FER1L6: variants seen among roughly 807,000 people sequenced by gnomAD.
FER1L6 encodes the protein fer-1-like protein 6.
In FER1L6, 177 loss-of-function variants were observed where a neutral mutation model predicts 219.2. The observed-to-expected ratio is 0.81, with a 90% CI of 0.71 to 0.91. The LOEUF (loss-of-function observed/expected upper bound fraction) is 0.91. FER1L6 is among the 40% of genes least tolerant of loss of function. The probability of loss-of-function intolerance (pLI) is 0.00; values close to 1 mark genes in which losing one functional copy is unlikely to be tolerated. For missense variants in FER1L6, 2,153 were observed against 2,259.9 expected (o/e 0.95, Z 0.96); for synonymous variants, 768 against 824.3 (o/e 0.93, Z 1.17).
At chr8:124,096,412 T>A (rs1822292602) in intron 35 of FER1L6, among the ~76,000 whole-genome samples, 1 of 152,226 alleles carries the variant, frequency 6.6e-6, no homozygotes. Flanking sequence ...ATCTTCTTCA[T>A]GCTCTAGTGG....
At chr8:123,990,082 C>G (rs767847392) in intron 12 of FER1L6, among the ~76,000 whole-genome samples, 25 of 152,116 alleles carry the variant, frequency 1.6e-4, no homozygotes, top group Non-Finnish European at 3.1e-4. Flanking sequence ...TCCTGGCTAA[C>G]ATGGTGAAAC....
chr8:124,112,173 T>C (rs968467572), intron 39 of FER1L6, among the ~76,000 whole-genome samples: 1 of 152,200 alleles, frequency 6.6e-6, no homozygotes, highest in Non-Finnish European at 1.5e-5. Context: ...CAACTCCGTG[T>C]GCACTCTCCT....
chr8:123,941,789 G>T (rs1219344354), intron 1 of FER1L6, among the ~76,000 whole-genome samples: 1 of 152,170 alleles, frequency 6.6e-6, no homozygotes, highest in Non-Finnish European at 1.5e-5. Flanking sequence ...TCTTGTTTTT[G>T]TGAAGAATTT....
chr8:124,064,641 A>G, intron 26 of FER1L6, 68 bp downstream of exon 26: 1 of 1,423,622 alleles, frequency 7.0e-7, no homozygotes, highest in South Asian at 1.2e-5. Context: ...CTCAGACAAT[A>G]TGAAGTTGCT....
intron 26 of FER1L6, among the ~76,000 whole-genome samples, chr8:124,066,146 T>C (rs1404043649): frequency 6.6e-6 from 1 of 152,248 alleles, no homozygotes; most frequent in Non-Finnish European, 1.5e-5. Flanking sequence ...TCCTGTACTG[T>C]ATCCAGAGTA....
At chr8:123,948,090 T>G (rs945289622) in intron 1 of FER1L6, among the ~76,000 whole-genome samples, 6 of 152,300 alleles carry the variant, frequency 3.9e-5, no homozygotes, top group African/African-American at 7.2e-5. Flanking sequence ...GTTTTTAAAT[T>G]TAATTAACGT....
intron 1 of FER1L6, among the ~76,000 whole-genome samples, chr8:123,930,188 G>A (rs1361833029): frequency 6.6e-6 from 1 of 152,150 alleles, no homozygotes; most frequent in East Asian, 1.9e-4. Flanking sequence ...ACTCATGGAT[G>A]TGTGTGGATG....
intron 22 of FER1L6, among the ~76,000 whole-genome samples, chr8:124,056,751 T>C (rs1820315656): frequency 6.6e-6 from 1 of 152,150 alleles, no homozygotes; most frequent in African/African-American, 2.4e-5. Flanking sequence ...TTACATATTA[T>C]TAAGAACTTC....
At chr8:123,854,637 G>A (rs1219375086) in intron 1 of FER1L6, among the ~76,000 whole-genome samples, 4 of 152,130 alleles carry the variant, frequency 2.6e-5, no homozygotes, top group Non-Finnish European at 5.9e-5. Context: ...TATTACCAAG[G>A]GTGTCTTCAC....
chr8:123,955,435 C>T (rs1395388503), intron 1 of FER1L6, among the ~76,000 whole-genome samples: 1 of 152,152 alleles, frequency 6.6e-6, no homozygotes, highest in Non-Finnish European at 1.5e-5. Flanking sequence ...ACCTTGGTCT[C>T]GAGAGCCCAG....
chr8:123,964,735 G>A (rs1268102002), intron 3 of FER1L6, among the ~76,000 whole-genome samples: 1 of 152,152 alleles, frequency 6.6e-6, no homozygotes, highest in African/African-American at 2.4e-5. Flanking sequence ...ACATTCTCCA[G>A]CAATTGAAAT....
At chr8:124,062,203 TTA>T (rs1820617972) in intron 25 of FER1L6, among the ~76,000 whole-genome samples, 171 bp downstream of exon 25, 2 of 152,324 alleles carry the variant, frequency 1.3e-5, no homozygotes, top group South Asian at 2.1e-4. Flanking sequence ...TCCCACATTC[TTA>T]CTTTGACTCA....
At chr8:123,924,552 T>G (rs1028731243) in intron 1 of FER1L6, among the ~76,000 whole-genome samples, 1 of 150,568 alleles carries the variant, frequency 6.6e-6, no homozygotes, top group African/African-American at 2.5e-5. Flanking sequence ...AAAAAATAAA[T>G]AAATAAAAGA....
intron 1 of FER1L6, among the ~76,000 whole-genome samples, chr8:123,854,016 C>T (rs775886079): frequency 6.6e-6 from 1 of 152,188 alleles, no homozygotes; most frequent in Non-Finnish European, 1.5e-5. Flanking sequence ...AGTGCTGGCC[C>T]TTCAGTAAAG....
intron 31 of FER1L6, among the ~76,000 whole-genome samples, chr8:124,073,573 T>C (rs1270944386): frequency 6.6e-6 from 1 of 152,216 alleles, no homozygotes; most frequent in Non-Finnish European, 1.5e-5. Context: ...CCCACCTCTT[T>C]TTTTCCTTAG....
intron 16 of FER1L6, 141 bp from the exon 17 acceptor site, chr8:124,021,409 G>A: frequency 2.0e-6 from 2 of 1,020,832 alleles, no homozygotes; most frequent in African/African-American, 1.6e-5. Flanking sequence ...GAGGCAGCAT[G>A]CACGGTGGCA....
At position 123,956,080 on chromosome 8, in the gene FER1L6, G is replaced by A; in HGVS notation, c.76+6G>A. 1 of 1,608,468 alleles carries A rather than the reference G, an allele frequency of 6.2e-7. No homozygotes were observed. ...AGCCAACAAGGCTGCGAAAGGTGAG[G>A]CTGGGGGTGGGGTGCTGACCATTGG... On this transcript the variant is annotated splice_donor_region_variant and intron_variant, in intron 2 of 40. Transcript: ENST00000522917.
At chr8:124,033,865 G>A (rs1212278307) in intron 18 of FER1L6, among the ~76,000 whole-genome samples, 2 of 152,176 alleles carry the variant, frequency 1.3e-5, no homozygotes, top group Non-Finnish European at 1.5e-5. Flanking sequence ...GTAGGTGAAG[G>A]TAAGTGGCCA....
At chr8:124,059,369 A>G (rs139419060) in intron 22 of FER1L6, among the ~76,000 whole-genome samples, 40 of 152,290 alleles carry the variant, frequency 2.6e-4, no homozygotes, top group African/African-American at 9.4e-4. Flanking sequence ...TGCATAAAGG[A>G]CATGTTGCAT....
Sources: allele counts gnomAD v4.1 joint callset (sites outside exome capture counted in the v4.1 genomes callset), GRCh38; gene constraint gnomAD v4.1.1; transcripts MANE v1.5; gene names NCBI Gene and HGNC (gene_info 2026-07-23, HGNC 2026-07-21).